Variants in IQCM observed in about 807,000 individuals in gnomAD.
The protein encoded by IQCM is IQ motif containing M.
In IQCM, 45 loss-of-function variants were observed where a neutral mutation model predicts 57.6. The ratio of observed to expected loss-of-function variants is 0.78; its 90% CI spans 0.62 to 1.00. The LOEUF (loss-of-function observed/expected upper bound fraction) is 1.00, where lower values mean the gene tolerates loss of function less well. Among genes scored for constraint, IQCM ranks in the 50% least tolerant of loss-of-function variants. IQCM has a pLI of 0.00. For synonymous variants in IQCM, 148 were observed against 158.9 expected (o/e 0.93, Z 0.51); for missense variants, 468 against 511.6 (o/e 0.91, Z 0.82).
intron 2 of IQCM, among the ~76,000 whole-genome samples, chr4:149,773,935 C>T (rs1024221459): frequency 7.9e-5 from 12 of 152,012 alleles, no homozygotes; most frequent in African/African-American, 2.9e-4. Flanking sequence ...CCCTGAAATG[C>T]CAAATCTGTA....
chr4:149,782,940 C>A (rs576369244), intron 2 of IQCM, among the ~76,000 whole-genome samples: 1 of 152,290 alleles, frequency 6.6e-6, no homozygotes, highest in East Asian at 1.9e-4. Context: ...CTTCATCTCT[C>A]CACCTCTAAA....
intron 11 of IQCM, among the ~76,000 whole-genome samples, chr4:149,551,206 C>A (rs1260329137): frequency 1.3e-5 from 2 of 152,152 alleles, no homozygotes; most frequent in African/African-American, 4.8e-5. Context: ...CTAGCCGCCT[C>A]CAAATTAAGG....
At chr4:149,647,538 C>T (rs1398021812) in intron 7 of IQCM, among the ~76,000 whole-genome samples, 1 of 151,964 alleles carries the variant, frequency 6.6e-6, no homozygotes, top group African/African-American at 2.4e-5. Context: ...CTTTCATTAT[C>T]ACTGTTGAGA....
chr4:149,358,880 A>ATATACTCTCATGATTATATCAT, intron 13 of IQCM, among the ~76,000 whole-genome samples: 1 of 151,092 alleles, frequency 6.6e-6, no homozygotes, highest in African/African-American at 2.4e-5. Flanking sequence ...GTATATCATG[A>ATATACTCTCATGATTATATCAT]GACCACAGTG....
At chr4:149,692,113 ACATGAGGTGTGAGC>A (rs761563495) in intron 5 of IQCM, among the ~76,000 whole-genome samples, 21 of 152,172 alleles carry the variant, frequency 1.4e-4, no homozygotes, top group Non-Finnish European at 2.2e-4. Flanking sequence ...AGATGTGAGT[ACATGAGGTGTGAGC>A]CACTACCAGA....
intron 13 of IQCM, among the ~76,000 whole-genome samples, chr4:149,365,334 T>C (rs1474482654): frequency 6.6e-6 from 1 of 152,026 alleles, no homozygotes; most frequent in Non-Finnish European, 1.5e-5. Context: ...AACAAAATAA[T>C]ACAGTATTAG....
At chr4:149,676,714 G>A (rs976686713) in intron 7 of IQCM, among the ~76,000 whole-genome samples, 3 of 152,012 alleles carry the variant, frequency 2.0e-5, no homozygotes, top group Admixed American at 6.6e-5. Context: ...AAAGGAAATA[G>A]ATAGATAATT....
At chr4:149,625,023 A>G (rs1756676565) in intron 7 of IQCM, among the ~76,000 whole-genome samples, 2 of 152,212 alleles carry the variant, frequency 1.3e-5, no homozygotes. Flanking sequence ...GGTAATTACA[A>G]ACAATTAATA....
intron 7 of IQCM, among the ~76,000 whole-genome samples, chr4:149,678,129 G>C (rs1168000692): frequency 1.3e-5 from 2 of 151,790 alleles, no homozygotes; most frequent in Non-Finnish European, 2.9e-5. Flanking sequence ...GGAAATAACA[G>C]AAAACTTTCC....
intron 2 of IQCM, among the ~76,000 whole-genome samples, chr4:149,785,069 G>A (rs1309338389): frequency 1.3e-5 from 2 of 152,178 alleles, no homozygotes; most frequent in Non-Finnish European, 2.9e-5. Flanking sequence ...GTAACAGATG[G>A]AACAGAAAAT....
At chr4:149,683,060 CT>C (rs1762297990) in intron 6 of IQCM, among the ~76,000 whole-genome samples, 3 of 151,280 alleles carry the variant, frequency 2.0e-5, no homozygotes, top group African/African-American at 7.2e-5. Context: ...AGAGATCTTT[CT>C]TTATAAATGT....
intron 8 of IQCM, among the ~76,000 whole-genome samples, chr4:149,619,418 C>CTTCA (rs957583367): frequency 6.6e-6 from 1 of 152,062 alleles, no homozygotes; most frequent in Non-Finnish European, 1.5e-5. Context: ...GAAGCCCAGA[C>CTTCA]TTCAGCACAA....
intron 7 of IQCM, among the ~76,000 whole-genome samples, chr4:149,648,720 G>A (rs145974225): frequency 1.3e-5 from 2 of 152,182 alleles, no homozygotes; most frequent in East Asian, 1.9e-4. Context: ...GACACAGGAA[G>A]AGGAACATCA....
At chr4:149,354,454 G>C (rs910967657) in intron 13 of IQCM, among the ~76,000 whole-genome samples, 2 of 150,894 alleles carry the variant, frequency 1.3e-5, no homozygotes, top group Non-Finnish European at 2.9e-5. Flanking sequence ...GAGATCACAG[G>C]GAAAGGCAAC....
At chr4:149,602,420 C>A (rs1313893081) in intron 8 of IQCM, among the ~76,000 whole-genome samples, 1 of 152,052 alleles carries the variant, frequency 6.6e-6, no homozygotes, top group African/African-American at 2.4e-5. Flanking sequence ...ACACATATTT[C>A]TGGTTTGTTT....
intron 12 of IQCM, among the ~76,000 whole-genome samples, chr4:149,453,023 A>T (rs553046828): frequency 8.6e-5 from 13 of 151,686 alleles, no homozygotes; most frequent in Middle Eastern, 6.8e-3. Context: ...AGAAATTTTT[A>T]AAAAAGGAAA....
chr4:149,687,276 C>T (rs890009284), intron 5 of IQCM, among the ~76,000 whole-genome samples: 5 of 151,402 alleles, frequency 3.3e-5, no homozygotes, highest in African/African-American at 4.8e-5. Flanking sequence ...GTTCAGAGAA[C>T]ATAACATTTT....
intron 13 of IQCM, among the ~76,000 whole-genome samples, chr4:149,374,877 T>C (rs1730597733): frequency 6.6e-6 from 1 of 152,028 alleles, no homozygotes; most frequent in Admixed American, 6.6e-5. Flanking sequence ...ATACTTGGCT[T>C]TTGCTATAAA....
intron 2 of IQCM, among the ~76,000 whole-genome samples, chr4:149,770,475 T>C (rs1018377245): frequency 1.3e-5 from 2 of 151,988 alleles, no homozygotes; most frequent in African/African-American, 4.8e-5. Flanking sequence ...CAGAGATACA[T>C]TACAAGAAAA....
Sources: gnomAD v4.1 joint callset for allele counts (sites outside exome capture counted in the v4.1 genomes callset) on GRCh38, gnomAD v4.1.1 for gene constraint, MANE v1.5 for transcripts, NCBI Gene and HGNC (gene_info 2026-07-23, HGNC 2026-07-21) for gene names.